PRSS35: variants seen among roughly 807,000 people sequenced by gnomAD.
PRSS35 encodes the protein inactive serine protease 35.
PRSS35 carries 7 observed loss-of-function variants against 8.1 expected under a neutral mutation model. The observed-to-expected ratio is 0.86, with a 90% confidence interval of 0.49 to 1.62. The LOEUF (loss-of-function observed/expected upper bound fraction) is 1.62. PRSS35 is among the 40% of genes most tolerant of loss of function. The probability of loss-of-function intolerance (pLI) is 0.00; values close to 1 mark genes in which losing one functional copy is unlikely to be tolerated. For synonymous variants in PRSS35, 199 were observed against 188.7 expected (o/e 1.05, Z -0.45); for missense variants, 566 against 518.0 (o/e 1.09, Z -0.90).
chr6:83,519,383 G>A (rs1771778225), intron 1 of PRSS35, among the ~76,000 whole-genome samples: 1 of 152,190 alleles, frequency 6.6e-6, no homozygotes, highest in Admixed American at 6.5e-5. Context: ...GAAATGGACA[G>A]TGAAGGTCAC....
chr6:83,515,650 C>T (rs1250979048), intron 1 of PRSS35, among the ~76,000 whole-genome samples: 2 of 151,986 alleles, frequency 1.3e-5, no homozygotes, highest in African/African-American at 2.4e-5. Flanking sequence ...CACAGGCATG[C>T]GCCACCACAC....
intron 1 of PRSS35, among the ~76,000 whole-genome samples, chr6:83,515,881 TCTCAC>T (rs1771703375): frequency 6.6e-6 from 1 of 152,028 alleles, no homozygotes; most frequent in Admixed American, 6.6e-5. Context: ...AATGGCGTGA[TCTCAC>T]CTCACTGCAA....
chr6:83,524,409 G>T lies in PRSS35; in HGVS notation c.968G>T (p.Arg323Leu), dbSNP rs1184839575. The change falls in exon 2 of 2, where the codon CGG becomes CTG. Residue 323 changes from arginine (R) to leucine (L), a missense_variant. Coordinates refer to ENST00000369700, the MANE Select transcript of PRSS35 (RefSeq NM_153362.3). ...DNDRADQLVY[R>L]FCSVSDESND... ...GATAGGGCTGATCAGTTGGTCTATC[G>T]GTTTTGCAGTGTGTCCGACGAATCC... 7 of 1,614,114 alleles carry T rather than the reference G, an allele frequency of 4.3e-6. No individual in the cohort carries two copies. Among genetic ancestry groups the T allele is most frequent in the Non-Finnish European group, 5.9e-6 (7 of 1,180,032 alleles).
At chr6:83,516,822 G>C (rs550146746) in intron 1 of PRSS35, among the ~76,000 whole-genome samples, 6 of 152,032 alleles carry the variant, frequency 3.9e-5, no homozygotes, top group Non-Finnish European at 5.9e-5. Flanking sequence ...CTCTTAACCC[G>C]TCTGCCTCCT....
intron 1 of PRSS35, among the ~76,000 whole-genome samples, chr6:83,522,050 G>A (rs1409397362): frequency 6.6e-6 from 1 of 152,100 alleles, no homozygotes; most frequent in East Asian, 1.9e-4. Context: ...TCCTGTGGGT[G>A]TACCCTGTGG....
chr6:83,523,723 C>A lies in PRSS35; in HGVS notation c.282C>A (p.Thr94=), dbSNP rs752202786. 1.2e-5 allele frequency: 20 copies of A among 1,614,084 alleles called. No homozygotes were observed. Among genetic ancestry groups the A allele is most frequent in the African/African-American group, 1.3e-5 (1 of 74,924 alleles). ...CTGTCTTTGAGAATGGCACCCGAAC[C>A]TTAACCAGGGTGAAAGTTCAAGATT... The part of the protein sequence containing the change: ...YETVFENGTR[T]LTRVKVQDLV... Residue 94 remains threonine (T), a synonymous_variant, in exon 2 of 2, where the codon ACC becomes ACA. Coordinates refer to ENST00000369700, the MANE Select transcript of PRSS35 (RefSeq NM_153362.3).
intron 1 of PRSS35, among the ~76,000 whole-genome samples, chr6:83,514,925 TATTATTAGCCAGTTA>T (rs1771684907): frequency 6.6e-6 from 1 of 152,226 alleles, no homozygotes; most frequent in Non-Finnish European, 1.5e-5. Flanking sequence ...CCATTTAGTA[TATTATTAGCCAGTTA>T]AAAGTTTTGC....
chr6:83,524,795 C>A lies in PRSS35; in HGVS notation c.*112C>A. On this transcript the variant is annotated 3_prime_UTR_variant, in exon 2 of 2. Transcript: ENST00000369700. ...GCCTGGACTTGAACTCTGTCAATAG[C>A]ATTTCAACATTTTTCAAAATCAGGA... The A allele has an allele frequency of 1.8e-6, 2 of 1,119,366 alleles. No individual in the cohort carries two copies. Among genetic ancestry groups the A allele is most frequent in the Non-Finnish European group, 2.5e-6 (2 of 806,116 alleles). 69.3% of individuals were successfully genotyped at this position (1,119,366 alleles called of 1,614,324 possible). A position where few individuals can be genotyped will look rare whatever the true frequency, so the allele number is the denominator to read the frequency against.
In PRSS35 at chr6:83,524,767, T is replaced by C. The variant is rs970944764; in HGVS notation, c.*84T>C. ...ACCGTAGTGAGATCACTTCATAGGTTATGCCTGGACTTGAACTCTGTCAAT... is the reference window on the plus strand; with the variant it reads ...ACCGTAGTGAGATCACTTCATAGGTCATGCCTGGACTTGAACTCTGTCAAT... On this transcript the variant is annotated 3_prime_UTR_variant, in exon 2 of 2. Coordinates refer to ENST00000369700, the MANE Select transcript of PRSS35 (RefSeq NM_153362.3). 14 of 1,349,624 alleles carry C rather than the reference T, an allele frequency of 1.0e-5. No individual in the cohort carries two copies. In the African/African-American group the frequency reaches 1.9e-4, roughly 18 times the overall value. The allele number at this position is 1,349,624 out of a possible 1,614,324, so 83.6% of individuals were successfully genotyped here.
chr6:83,518,760 G>A (rs1478206072), intron 1 of PRSS35, among the ~76,000 whole-genome samples: 3 of 152,124 alleles, frequency 2.0e-5, no homozygotes, highest in African/African-American at 4.8e-5. Context: ...CACCAATTAA[G>A]GTAGGATAAT....
chr6:83,520,305 G>A (rs1343555484), intron 1 of PRSS35, among the ~76,000 whole-genome samples: 2 of 152,144 alleles, frequency 1.3e-5, no homozygotes, highest in African/African-American at 2.4e-5. Flanking sequence ...TACTGTAGTG[G>A]TTCTTAACCT....
chr6:83,515,198 A>G (rs1771689329), intron 1 of PRSS35, among the ~76,000 whole-genome samples: 2 of 152,220 alleles, frequency 1.3e-5, no homozygotes, highest in African/African-American at 2.4e-5. Flanking sequence ...GCTGGAAGAA[A>G]TCTTAGAAAT....
chr6:83,517,285 T>C (rs1771740697), intron 1 of PRSS35, among the ~76,000 whole-genome samples: 1 of 152,214 alleles, frequency 6.6e-6, no homozygotes. Flanking sequence ...CCCATAATCA[T>C]TGAAACACCC....
intron 1 of PRSS35, among the ~76,000 whole-genome samples, chr6:83,519,769 C>T (rs1008587237): frequency 1.7e-4 from 26 of 152,286 alleles, no homozygotes; most frequent in African/African-American, 5.8e-4. Flanking sequence ...CAAGGGTAGA[C>T]GTGGGCATGG....
intron 1 of PRSS35, among the ~76,000 whole-genome samples, chr6:83,516,099 G>A (rs1270600803): frequency 6.6e-6 from 1 of 151,920 alleles, no homozygotes; most frequent in East Asian, 2.0e-4. Flanking sequence ...ACAGGTGTGA[G>A]CCACAGCCTC....
Position 83,524,547 on chromosome 6 carries a change from T to C in PRSS35, c.1106T>C (p.Val369Ala). The C allele has an allele frequency of 1.2e-6, 2 of 1,614,120 alleles. No homozygotes were observed. The highest frequency in any genetic ancestry group is 1.1e-5 in the South Asian group (1 of 91,080). Residue 369 changes from valine to alanine, a missense_variant, in exon 2 of 2, where the codon GTC becomes GCC. Coordinates refer to ENST00000369700, the MANE Select transcript of PRSS35 (RefSeq NM_153362.3). The part of the protein sequence containing the change: ...KKNWKRKIIA[V>A]YSGHQWVDVH... ...AATTGGAAGCGCAAAATCATTGCGGTCTACTCAGGGCACCAGTGGGTGGAT... is the reference window on the plus strand; with the variant it reads ...AATTGGAAGCGCAAAATCATTGCGGCCTACTCAGGGCACCAGTGGGTGGAT...
chr6:83,517,539 T>C (rs749189163), intron 1 of PRSS35, among the ~76,000 whole-genome samples: 2 of 152,210 alleles, frequency 1.3e-5, no homozygotes, highest in African/African-American at 2.4e-5. Context: ...TATTCCTGTT[T>C]ATGTCACTTG....
chr6:83,520,985 C>T (rs1427825131), intron 1 of PRSS35, among the ~76,000 whole-genome samples: 2 of 152,090 alleles, frequency 1.3e-5, no homozygotes, highest in Admixed American at 6.6e-5. Context: ...GGATATTTGG[C>T]TGACTTTCAA....
chr6:83,521,670 A>T (rs746333452), intron 1 of PRSS35, among the ~76,000 whole-genome samples: 1 of 151,650 alleles, frequency 6.6e-6, no homozygotes, highest in African/African-American at 2.4e-5. Context: ...CTAATTTTTT[A>T]AAAGTTTTTT....
Sources: gnomAD v4.1 joint callset for allele counts (sites outside exome capture counted in the v4.1 genomes callset) on GRCh38, gnomAD v4.1.1 for gene constraint, MANE v1.5 for transcripts, NCBI Gene and HGNC (gene_info 2026-07-23, HGNC 2026-07-21) for gene names.